CASP10: variants seen among roughly 807,000 people sequenced by gnomAD.
The protein encoded by CASP10 is caspase 10.
Under a neutral mutation model 48.5 loss-of-function variants are expected in CASP10, and 41 were observed. The ratio of observed to expected loss-of-function variants is 0.85; its 90% confidence interval spans 0.66 to 1.10. The LOEUF (loss-of-function observed/expected upper bound fraction) is 1.10, where lower values mean the gene tolerates loss of function less well. CASP10 is among the 50% of genes least tolerant of loss of function. The pLI is 0.00. For synonymous variants in CASP10, 232 were observed against 238.4 expected (o/e 0.97, Z 0.25); for missense variants, 614 against 614.5 (o/e 1.00, Z 0.01).
chr2:201,200,676 A>G (rs1944987397), intron 5 of CASP10: 2 of 1,386,486 alleles, frequency 1.4e-6, no homozygotes, highest in Non-Finnish European at 1.9e-6. Flanking sequence ...CCACTTTGTA[A>G]GTGATCTTAA....
rs1462537867 is a variant in CASP10, at chr2:201,208,022, T to C, written c.814-53T>C. The C allele has an allele frequency of 8.4e-6, 11 of 1,307,084 alleles. No homozygotes were observed. The Admixed American group carries it at 1.5e-4, about 18-fold the overall frequency. 81.0% of individuals were successfully genotyped at this position (1,307,084 alleles called of 1,614,324 possible). Reference sequence around the variant, plus strand: ...CCATTGGAGTGGTTGGTTAGAAACATTTAAGGCCCTAAGATAAGGATTCCT... The same window carrying C: ...CCATTGGAGTGGTTGGTTAGAAACACTTAAGGCCCTAAGATAAGGATTCCT... On this transcript the variant is annotated intron_variant, in intron 7 of 9. Coordinates refer to ENST00000286186, the MANE Select transcript of CASP10 (RefSeq NM_032977.4).
At position 201,217,926 on chromosome 2, in the gene CASP10, T is replaced by G. The variant is rs1945625830; in HGVS notation, c.*185T>G. ...AAGTCTAAATGTTAGAAAACTTTCT[T>G]TTTTTTGGAGATAGTCTCATTCTGT... On this transcript the variant is annotated 3_prime_UTR_variant, in exon 10 of 10. Transcript: ENST00000286186. 1 of 1,431,924 alleles carries G rather than the reference T, an allele frequency of 7.0e-7. No individual in the cohort carries two copies. The highest frequency in any genetic ancestry group is 9.2e-7 in the Non-Finnish European group (1 of 1,092,078). 88.7% of individuals were successfully genotyped at this position (1,431,924 alleles called of 1,614,324 possible).
At chr2:201,196,906 G>A (rs956933113) in intron 5 of CASP10, among the ~76,000 whole-genome samples, 1 of 151,890 alleles carries the variant, frequency 6.6e-6, no homozygotes, top group African/African-American at 2.4e-5. Context: ...ACTTTTCAGG[G>A]TACCTCATAT....
Position 201,209,035 on chromosome 2 carries a change from C to G in CASP10, c.923-35C>G, listed in dbSNP as rs1311079321. 7 of 1,555,904 alleles carry G rather than the reference C, an allele frequency of 4.5e-6. No homozygotes were observed. In the South Asian group the frequency reaches 6.9e-5, roughly 15 times the overall value. ...TTTATTATTTCCCCTTTCTCTCTCT[C>G]TCTCTCTTTTTTTTTTTTTTTTGTT... On this transcript the variant is annotated intron_variant, in intron 8 of 9. Coordinates refer to ENST00000286186, the MANE Select transcript of CASP10 (RefSeq NM_032977.4).
chr2:201,200,292 C>T (rs1944967036), intron 5 of CASP10: 2 of 660,486 alleles, frequency 3.0e-6, no homozygotes, highest in Non-Finnish European at 5.1e-6. Context: ...AAGTTTCCCC[C>T]TAGATTGAGC....
At chr2:201,204,797 G>C (rs1286056839) in intron 6 of CASP10, among the ~76,000 whole-genome samples, 2 of 152,178 alleles carry the variant, frequency 1.3e-5, no homozygotes, top group Admixed American at 6.5e-5. Flanking sequence ...CAATTCTGCG[G>C]TTCCAACATT....
chr2:201,188,022 T>A (rs1944475522), intron 3 of CASP10, among the ~76,000 whole-genome samples: 1 of 152,212 alleles, frequency 6.6e-6, no homozygotes, highest in Non-Finnish European at 1.5e-5. Context: ...GAGTCTCTAT[T>A]TTCTTAGACG....
rs200935960 is a variant in CASP10 at position 201,185,797 on chromosome 2, A to G, written c.20A>G (p.His7Arg). Residue 7 changes from histidine (H) to arginine (R), a missense_variant, in exon 2 of 10, where the codon CAT (histidine) becomes CGT (arginine). By Grantham distance (29) the His-to-Arg change is conservative. Coordinates refer to ENST00000286186, the MANE Select transcript of CASP10 (RefSeq NM_032977.4). ...CTGGCCATGAAATCTCAAGGTCAAC[A>G]TTGGTATTCCAGTTCAGATAAAAAC... MKSQGQ[H>R]WYSSSDKNCK... 6.1e-5 allele frequency: 98 copies of G among 1,613,700 alleles called. No individual in the cohort carries two copies. Among genetic ancestry groups the G allele is most frequent in the Middle Eastern group, 4.9e-4 (3 of 6,062 alleles).
Position 201,192,854 on chromosome 2 carries a change from A to C in CASP10, c.442-130A>C. 4.5e-6 allele frequency: 4 copies of C among 891,898 alleles called. No individual in the cohort carries two copies. In the Admixed American group the frequency reaches 5.6e-5, roughly 12 times the overall value. 55.2% of individuals were successfully genotyped at this position (891,898 alleles called of 1,614,324 possible). On this transcript the variant is annotated intron_variant, in intron 3 of 9. Transcript: ENST00000286186. ...GCCTCTTCCCCTACATTCCTGAGCA[A>C]CTTGAGGGCAGATGCTGTTATATCT...
In CASP10 at chr2:201,186,997, G is replaced by A. The variant is rs115708678; in HGVS notation, c.348-709G>A. On this transcript the variant is annotated intron_variant, in intron 2 of 9. Coordinates refer to ENST00000286186, the MANE Select transcript of CASP10 (RefSeq NM_032977.4). The stretch of plus-strand genomic sequence containing the variant: ...GCCACTGTGCCAGGCTGATGACAGT[G>A]TTTAAAATTGTTCACTGACATAGTG... Among the ~76,000 whole-genome samples the A allele has an allele frequency of 3.7e-3, 568 of 152,244 alleles. 4 individuals are homozygous for A. The highest frequency in any genetic ancestry group is 0.013 in the African/African-American group (541 of 41,546).
intron 5 of CASP10, among the ~76,000 whole-genome samples, chr2:201,202,078 C>T (rs1457907031): frequency 6.6e-6 from 1 of 152,060 alleles, no homozygotes; most frequent in Non-Finnish European, 1.5e-5. Flanking sequence ...TCTCGAACTC[C>T]TGACCTCAGG....
intron 3 of CASP10, among the ~76,000 whole-genome samples, chr2:201,191,036 A>G (rs1177060517): frequency 3.3e-5 from 5 of 151,392 alleles, no homozygotes; most frequent in Non-Finnish European, 7.4e-5. Flanking sequence ...TAATTTTTGT[A>G]TTTTTAGTAG....
chr2:201,211,394 CCTT>C (rs1945388594), intron 9 of CASP10, among the ~76,000 whole-genome samples: 1 of 152,190 alleles, frequency 6.6e-6, no homozygotes, highest in African/African-American at 2.4e-5. Context: ...TCCCTTCCCT[CCTT>C]CTCTCTCTCA....
chr2:201,221,869 G>A (rs924928691), downstream of CASP10, among the ~76,000 whole-genome samples: 4 of 152,134 alleles, frequency 2.6e-5, no homozygotes, highest in South Asian at 4.2e-4. Flanking sequence ...GTCCCTGGAC[G>A]TTTACAGCTG....
At chr2:201,186,404 G>T (rs1944417090) in intron 2 of CASP10, 1 of 434,944 alleles carries the variant, frequency 2.3e-6, no homozygotes, top group Non-Finnish European at 4.3e-6. Flanking sequence ...CAGAGCCCGT[G>T]TTTTCCCTGC....
chr2:201,220,921 C>T lies in CASP10; in HGVS notation c.*3180C>T, dbSNP rs1945705093. On this transcript the variant is annotated 3_prime_UTR_variant, in exon 10 of 10. Transcript: ENST00000286186. ...CCTGCATTTCCATTTTGTCCTGATT[C>T]CTTTGCTCAGAGACACTAACTAAAT... 1 of 985,330 alleles carries T rather than the reference C, an allele frequency of 1.0e-6. No individual in the cohort carries two copies. The highest frequency in any genetic ancestry group is 1.7e-5 in the African/African-American group (1 of 57,240). The allele number at this position is 985,330 out of a possible 1,614,324, so 61.0% of individuals were successfully genotyped here.
chr2:201,209,307 C>G lies in CASP10; in HGVS notation c.1160C>G (p.Pro387Arg). The G allele has an allele frequency of 6.2e-7, 1 of 1,614,160 alleles. No individual in the cohort carries two copies. The highest frequency in any genetic ancestry group is 8.5e-7 in the Non-Finnish European group (1 of 1,180,034). The stretch of plus-strand genomic sequence containing the variant: ...TCTCACTTCACAGCCCTGCAGTGCC[C>G]TAGACTGGCTGAAAAACCTAAACTC... The part of the protein sequence containing the change: ...IMSHFTALQC[P>R]RLAEKPKLFF... The change falls in exon 9 of 10, where the codon CCT becomes CGT. Residue 387 changes from proline to arginine, a missense_variant. Transcript: ENST00000286186.
At position 201,186,032 on chromosome 2, in the gene CASP10, C is replaced by G. The variant is rs185792819; in HGVS notation, c.255C>G (p.Ile85Met). The G allele has an allele frequency of 1.2e-6, 2 of 1,613,326 alleles. No homozygotes were observed. The highest frequency in any genetic ancestry group is 4.5e-5 in the East Asian group (2 of 44,878). The change falls in exon 2 of 10, where the codon ATC becomes ATG. Residue 85 changes from isoleucine (I) to methionine (M), a missense_variant. Transcript: ENST00000286186. ...DPFFLAELLY[I>M]IRQKKLLQHL... is the part of the protein sequence containing the mutation. ...TCTTCCTGGCAGAACTCCTCTATAT[C>G]ATACGGCAGAAGAAGCTGCTGCAGC... is the stretch of plus-strand genomic sequence containing the variant.
At chr2:201,215,479 C>T (rs1945542312) in intron 9 of CASP10, among the ~76,000 whole-genome samples, 1 of 151,956 alleles carries the variant, frequency 6.6e-6, no homozygotes, top group South Asian at 2.1e-4. Context: ...TATGGATATT[C>T]AATTTTCCCA....
Sources: allele counts gnomAD v4.1 joint callset (sites outside exome capture counted in the v4.1 genomes callset), GRCh38; gene constraint gnomAD v4.1.1; transcripts MANE v1.5; gene names NCBI Gene and HGNC (gene_info 2026-07-23, HGNC 2026-07-21).